Variants in GPC6 observed in about 807,000 individuals in gnomAD.
GPC6 encodes the protein glypican 6.
In GPC6, 14 loss-of-function variants were observed where a neutral mutation model predicts 55.2. The ratio of observed to expected loss-of-function variants is 0.25; its 90% CI spans 0.17 to 0.40. The LOEUF is 0.40. Among genes scored for constraint, GPC6 ranks in the 10% least tolerant of loss-of-function variants. The pLI is 1.00. For missense variants in GPC6, 641 were observed against 708.5 expected (o/e 0.90, Z 1.08); for synonymous variants, 278 against 259.6 (o/e 1.07, Z -0.68).
intron 4 of GPC6, among the ~76,000 whole-genome samples, chr13:94,083,080 T>A (rs1326226115): frequency 2.6e-5 from 4 of 152,196 alleles, no homozygotes; most frequent in Admixed American, 1.3e-4. Flanking sequence ...CTCTGACCTA[T>A]CACTCTGCAC....
At chr13:94,312,541 C>T (rs1876299911) in intron 6 of GPC6, among the ~76,000 whole-genome samples, 1 of 152,154 alleles carries the variant, frequency 6.6e-6, no homozygotes, top group African/African-American at 2.4e-5. Context: ...TTCATTGTCA[C>T]CTCAAAGGAT....
At chr13:93,935,227 G>A (rs1382251260) in intron 3 of GPC6, among the ~76,000 whole-genome samples, 1 of 152,036 alleles carries the variant, frequency 6.6e-6, no homozygotes, top group Admixed American at 6.6e-5. Context: ...ATAGAACATT[G>A]TACCCAAAAG....
At chr13:94,245,073 T>C (rs1350064387) in intron 4 of GPC6, among the ~76,000 whole-genome samples, 3 of 152,050 alleles carry the variant, frequency 2.0e-5, no homozygotes, top group Non-Finnish European at 4.4e-5. Flanking sequence ...CTGAATATAC[T>C]GTGATTTACT....
intron 4 of GPC6, among the ~76,000 whole-genome samples, chr13:94,161,522 G>T (rs1304235153): frequency 6.6e-6 from 1 of 152,162 alleles, no homozygotes; most frequent in Admixed American, 6.5e-5. Context: ...GGTATTCTCA[G>T]TAATTGCCAT....
At chr13:93,969,452 A>C (rs1162705458) in intron 3 of GPC6, among the ~76,000 whole-genome samples, 5 of 152,092 alleles carry the variant, frequency 3.3e-5, no homozygotes, top group Non-Finnish European at 7.4e-5. Context: ...AGACAGAGAA[A>C]ATGCATCCAG....
intron 3 of GPC6, among the ~76,000 whole-genome samples, chr13:94,019,340 G>C (rs1427648107): frequency 6.6e-6 from 1 of 152,040 alleles, no homozygotes; most frequent in African/African-American, 2.4e-5. Context: ...TAATTTGTGG[G>C]TGTATATTAT....
intron 1 of GPC6, among the ~76,000 whole-genome samples, chr13:93,499,317 G>T (rs931778107): frequency 1.3e-5 from 2 of 152,168 alleles, no homozygotes; most frequent in African/African-American, 4.8e-5. Context: ...CTAAACTCAA[G>T]AGTTTCTGTT....
At position 94,034,200 on chromosome 13, in the gene GPC6, A is replaced by AGAAAGAAGGAAGGAAGGAAGGAAG. The variant is rs796156525; in HGVS notation, c.877+6309_877+6310insAGAAGGAAGGAAGGAAGGAAGGAA. On this transcript the variant is annotated intron_variant, in intron 4 of 8. Transcript: ENST00000377047. ...ACTACTTGCTGAGAGAAAGAAAGAAAGAAGGAAGGAAGGAAGGAAGGAAGG... is the reference window on the plus strand; with the variant it reads ...ACTACTTGCTGAGAGAAAGAAAGAAAGAAAGAAGGAAGGAAGGAAGGAAGGAAGGAAGGAAGGAAGGAAGGAAGG... Among the ~76,000 whole-genome samples the AGAAAGAAGGAAGGAAGGAAGGAAG allele has an allele frequency of 1.7e-3, 124 of 72,716 alleles. 1 individual carries two copies. Among genetic ancestry groups the AGAAAGAAGGAAGGAAGGAAGGAAG allele is most frequent in the Non-Finnish European group, 3.2e-3 (82 of 25,738 alleles). 47.7% of individuals were successfully genotyped at this position (72,716 alleles called of 152,430 possible).
chr13:93,787,575 G>A (rs994583962), intron 2 of GPC6, among the ~76,000 whole-genome samples: 31 of 152,128 alleles, frequency 2.0e-4, no homozygotes, highest in African/African-American at 7.2e-4. Context: ...CGTATTAGAT[G>A]TATATATGTT....
intron 3 of GPC6, among the ~76,000 whole-genome samples, chr13:94,000,266 G>A (rs1881741696): frequency 6.6e-6 from 1 of 152,066 alleles, no homozygotes; most frequent in South Asian, 2.1e-4. Flanking sequence ...CAAATACTTT[G>A]TATTCAATTG....
chr13:94,047,932 C>T (rs1190524126), intron 4 of GPC6, among the ~76,000 whole-genome samples: 1 of 151,910 alleles, frequency 6.6e-6, no homozygotes, highest in Non-Finnish European at 1.5e-5. Flanking sequence ...TAATGCATTT[C>T]TGAAATAGAC....
intron 1 of GPC6, among the ~76,000 whole-genome samples, chr13:93,368,368 C>A (rs984187789): frequency 8.1e-6 from 1 of 123,834 alleles, no homozygotes. Context: ...TTCCTTCCTT[C>A]CTTCCTTCCT....
chr13:93,921,648 C>A (rs1055152899), intron 3 of GPC6, among the ~76,000 whole-genome samples: 1 of 151,510 alleles, frequency 6.6e-6, no homozygotes, highest in Non-Finnish European at 1.5e-5. Context: ...CTCTACTGTT[C>A]CTCTGCTCTT....
At chr13:93,451,884 C>G (rs1878239066) in intron 1 of GPC6, among the ~76,000 whole-genome samples, 1 of 152,094 alleles carries the variant, frequency 6.6e-6, no homozygotes, top group Admixed American at 6.5e-5. Context: ...TTTCTAATAT[C>G]TATGATACCA....
chr13:93,894,407 A>G (rs1419836148), intron 3 of GPC6, among the ~76,000 whole-genome samples: 2 of 152,138 alleles, frequency 1.3e-5, no homozygotes, highest in East Asian at 1.9e-4. Flanking sequence ...TTATTAACCT[A>G]TTATTTTGTA....
intron 4 of GPC6, among the ~76,000 whole-genome samples, chr13:94,107,412 A>G (rs903603921): frequency 4.6e-5 from 7 of 152,074 alleles, no homozygotes; most frequent in Non-Finnish European, 8.8e-5. Context: ...GCCTGTGTTG[A>G]TCATTTTCTT....
At chr13:94,156,976 C>T (rs917112543) in intron 4 of GPC6, among the ~76,000 whole-genome samples, 7 of 152,114 alleles carry the variant, frequency 4.6e-5, no homozygotes, top group African/African-American at 1.7e-4. Context: ...GTTTTGAAAA[C>T]CTACCTATCC....
intron 5 of GPC6, among the ~76,000 whole-genome samples, chr13:94,292,622 C>A (rs1402960103): frequency 6.6e-6 from 1 of 151,982 alleles, no homozygotes; most frequent in Non-Finnish European, 1.5e-5. Flanking sequence ...TCTTATGTAT[C>A]TCTTATGTAT....
At chr13:94,263,362 T>C (rs1033166028) in intron 4 of GPC6, among the ~76,000 whole-genome samples, 3 of 152,210 alleles carry the variant, frequency 2.0e-5, no homozygotes, top group African/African-American at 7.2e-5. Context: ...CTCTGTTGAC[T>C]TTGACATTTC....
Sources: allele counts gnomAD v4.1 joint callset (sites outside exome capture counted in the v4.1 genomes callset), GRCh38; gene constraint gnomAD v4.1.1; transcripts MANE v1.5; gene names NCBI Gene and HGNC (gene_info 2026-07-23, HGNC 2026-07-21).